The following FAF1 variants were observed in gnomAD, a reference collection of about 807,000 sequenced individuals.
The protein encoded by FAF1 is FAS-associated factor 1.
In FAF1, 25 loss-of-function variants were observed where a neutral mutation model predicts 92.5. The ratio of observed to expected loss-of-function variants is 0.27; its 90% CI spans 0.20 to 0.38. FAF1 has a LOEUF of 0.38. Ranked by LOEUF, FAF1 falls within the 10% of genes least tolerant of loss-of-function variation. FAF1 has a pLI of 1.00. For synonymous variants in FAF1, 234 were observed against 273.2 expected, an observed-to-expected ratio of 0.86 and a Z score of 1.42; for missense variants, 636 against 793.3, an observed-to-expected ratio of 0.80 and a Z score of 2.38.
chr1:50,952,013 CA>C (rs1400960532), intron 1 of FAF1, among the ~76,000 whole-genome samples: 2 of 152,174 alleles, frequency 1.3e-5, no homozygotes, highest in African/African-American at 2.4e-5. Context: ...CAGAAAAGTC[CA>C]TATTTCAAAG....
At chr1:50,747,832 T>A (rs1659689426) in intron 4 of FAF1, among the ~76,000 whole-genome samples, 1 of 152,118 alleles carries the variant, frequency 6.6e-6, no homozygotes, top group African/African-American at 2.4e-5. Context: ...GTGATACAGT[T>A]CTCGTGAGAT....
chr1:50,858,022 T>C, intron 1 of FAF1, 25 bp from the exon 2 acceptor site: 1 of 1,537,788 alleles, frequency 6.5e-7, no homozygotes, highest in African/African-American at 1.4e-5. Flanking sequence ...AATAAGCATT[T>C]TACATATAAT....
chr1:50,783,653 C>A (rs1448284672), intron 4 of FAF1, among the ~76,000 whole-genome samples: 1 of 152,118 alleles, frequency 6.6e-6, no homozygotes, highest in Non-Finnish European at 1.5e-5. Flanking sequence ...GTGGGCGGAT[C>A]ACTTGAGATC....
chr1:50,507,246 A>G lies in FAF1; in HGVS notation c.1495-15445T>C, dbSNP rs535559618. ...ACAAGCAAGCCCCTGCCAAATTTGT[A>G]GACACAGTGATGTCAAAAAGAATAA... On this transcript the variant is annotated intron_variant, in intron 15 of 18. Coordinates refer to ENST00000396153, the MANE Select transcript of FAF1 (RefSeq NM_007051.3). Among the ~76,000 whole-genome samples, 5 of 152,378 alleles carry G rather than the reference A, an allele frequency of 3.3e-5. 1 individual carries two copies. In the East Asian group the frequency reaches 9.6e-4, roughly 29 times the overall value.
chr1:50,848,338 G>A (rs2124654138), intron 2 of FAF1, among the ~76,000 whole-genome samples: 1 of 152,292 alleles, frequency 6.6e-6, no homozygotes, highest in South Asian at 2.1e-4. Context: ...GAAATACAAT[G>A]CCGTATAGGG....
At chr1:50,932,354 A>C (rs1296333670) in intron 1 of FAF1, among the ~76,000 whole-genome samples, 1 of 152,236 alleles carries the variant, frequency 6.6e-6, no homozygotes, top group Non-Finnish European at 1.5e-5. Flanking sequence ...ATGAGGGTAC[A>C]GGTATTGGGT....
At chr1:50,774,255 TCTTTC>T (rs1316277014) in intron 4 of FAF1, among the ~76,000 whole-genome samples, 3 of 152,214 alleles carry the variant, frequency 2.0e-5, no homozygotes, top group African/African-American at 7.2e-5. Flanking sequence ...AAATTGTCAC[TCTTTC>T]CTTCTTTTCA....
chr1:50,543,424 T>G (rs1648850445), intron 13 of FAF1, among the ~76,000 whole-genome samples: 1 of 152,306 alleles, frequency 6.6e-6, no homozygotes, highest in East Asian at 1.9e-4. Flanking sequence ...GGTTCCTGAT[T>G]ACTACATATT....
At chr1:50,459,913 C>T (rs767192605) in intron 18 of FAF1, among the ~76,000 whole-genome samples, 1 of 152,180 alleles carries the variant, frequency 6.6e-6, no homozygotes, top group Non-Finnish European at 1.5e-5. Context: ...GGGCCTAATA[C>T]CTACCAACAA....
At chr1:50,538,780 T>G (rs1648617379) in intron 14 of FAF1, among the ~76,000 whole-genome samples, 1 of 152,158 alleles carries the variant, frequency 6.6e-6, no homozygotes, top group Non-Finnish European at 1.5e-5. Flanking sequence ...TTTATGAAAT[T>G]GAATGCTCTA....
At chr1:50,738,783 T>G in intron 6 of FAF1, 80 bp downstream of exon 6, 1 of 860,308 alleles carries the variant, frequency 1.2e-6, no homozygotes, top group Non-Finnish European at 1.9e-6. Context: ...TGATTTAATT[T>G]TGAGGTTTAT....
intron 13 of FAF1, among the ~76,000 whole-genome samples, chr1:50,559,408 C>T (rs1287043955): frequency 6.6e-6 from 1 of 152,150 alleles, no homozygotes; most frequent in Non-Finnish European, 1.5e-5. Context: ...TATTAGGAAA[C>T]TATTCACAAG....
intron 18 of FAF1, among the ~76,000 whole-genome samples, chr1:50,443,219 C>T (rs773622462): frequency 6.6e-6 from 1 of 152,094 alleles, no homozygotes. Context: ...TCATTGTAAT[C>T]GTGTGCTAGG....
At chr1:50,763,034 C>A (rs1248504982) in intron 4 of FAF1, among the ~76,000 whole-genome samples, 1 of 152,074 alleles carries the variant, frequency 6.6e-6, no homozygotes, top group Non-Finnish European at 1.5e-5. Context: ...GGCAGGTGAT[C>A]ACCTGAGGTC....
intron 7 of FAF1, among the ~76,000 whole-genome samples, chr1:50,667,310 G>A (rs1655682936): frequency 6.6e-6 from 1 of 152,114 alleles, no homozygotes; most frequent in Non-Finnish European, 1.5e-5. Flanking sequence ...GATTTTAGCT[G>A]GAATAAAAGA....
At chr1:50,937,390 G>T (rs1645096343) in intron 1 of FAF1, among the ~76,000 whole-genome samples, 1 of 152,050 alleles carries the variant, frequency 6.6e-6, no homozygotes, top group Non-Finnish European at 1.5e-5. Flanking sequence ...TGCTAACATA[G>T]TTGCCTTCAT....
chr1:50,914,705 C>G (rs1198047769), intron 1 of FAF1, among the ~76,000 whole-genome samples: 1 of 152,138 alleles, frequency 6.6e-6, no homozygotes, highest in South Asian at 2.1e-4. Flanking sequence ...TTTCTGATCC[C>G]TCCCACATAA....
At chr1:50,520,197 C>A (rs1647428000) in intron 15 of FAF1, among the ~76,000 whole-genome samples, 1 of 152,136 alleles carries the variant, frequency 6.6e-6, no homozygotes, top group Non-Finnish European at 1.5e-5. Context: ...TACCATATTG[C>A]AAGTACCTGT....
intron 6 of FAF1, among the ~76,000 whole-genome samples, chr1:50,732,126 G>A (rs1190496174): frequency 6.6e-6 from 1 of 152,024 alleles, no homozygotes; most frequent in South Asian, 2.1e-4. Flanking sequence ...CCAGGCTGGA[G>A]TGCAATAGCC....
Sources: gnomAD v4.1 joint callset for allele counts (sites outside exome capture counted in the v4.1 genomes callset) on GRCh38, gnomAD v4.1.1 for gene constraint, MANE v1.5 for transcripts, NCBI Gene and HGNC (gene_info 2026-07-23, HGNC 2026-07-21) for gene names.